WNT7B: variants seen among roughly 807,000 people sequenced by gnomAD.
WNT7B encodes Wnt family member 7B.
In WNT7B, 19 loss-of-function variants were observed where a neutral mutation model predicts 38.2. That is an observed-to-expected ratio of 0.50 (90% CI 0.35 to 0.73). The LOEUF (loss-of-function observed/expected upper bound fraction) is 0.73. WNT7B is among the 30% of genes least tolerant of loss of function. The pLI, the probability that WNT7B is intolerant of heterozygous loss-of-function variation, is 0.01. For synonymous variants in WNT7B, 243 were observed against 209.3 expected (o/e 1.16, Z -1.39); for missense variants, 423 against 507.9 (o/e 0.83, Z 1.61).
At chr22:45,935,923 G>T in intron 2 of WNT7B, 1 of 985,334 alleles carries the variant, frequency 1.0e-6, no homozygotes, top group Non-Finnish European at 1.2e-6. Flanking sequence ...GCCGGCAGCT[G>T]TCCTGCTGGT....
intron 2 of WNT7B, among the ~76,000 whole-genome samples, chr22:45,932,914 T>C (rs1931411673): frequency 6.6e-6 from 1 of 152,232 alleles, no homozygotes; most frequent in South Asian, 2.1e-4. Context: ...GTGCCTGTTA[T>C]TGGGGCTGAG....
In WNT7B at chr22:45,976,377, G is replaced by A. The variant is rs1399300386; in HGVS notation, c.71+307C>T. Among the ~76,000 whole-genome samples the A allele has an allele frequency of 1.3e-5, 2 of 151,266 alleles. No individual in the cohort carries two copies. Among genetic ancestry groups the A allele is most frequent in the South Asian group, 4.1e-4 (2 of 4,834 alleles). On this transcript the variant is annotated intron_variant, in intron 1 of 3. Transcript: ENST00000339464. This position sits in a 1 kb window ranked among gnomAD's most constrained non-coding sequence, Gnocchi z 8.5. ...GAGGGAAGGCGCGTCCCACCCCCGG[G>A]GCCTGGAGCCCAAACAGGTGAAAGT...
intron 1 of WNT7B, among the ~76,000 whole-genome samples, chr22:45,960,088 G>C (rs559021919): frequency 6.6e-6 from 1 of 152,104 alleles, no homozygotes; most frequent in Non-Finnish European, 1.5e-5. Flanking sequence ...ATGGACCCAC[G>C]CGCCACCCTG....
At chr22:45,964,508 G>T (rs1305517775) in intron 1 of WNT7B, among the ~76,000 whole-genome samples, 1 of 152,122 alleles carries the variant, frequency 6.6e-6, no homozygotes, top group Non-Finnish European at 1.5e-5. Flanking sequence ...CCTTCCTAGT[G>T]GGGGTGTCAG....
In WNT7B at chr22:45,931,342, G is replaced by A; in HGVS notation, c.326C>T (p.Ala109Val). The A allele has an allele frequency of 6.3e-7, 1 of 1,593,672 alleles. No homozygotes were observed. The highest frequency in any genetic ancestry group is 8.5e-7 in the Non-Finnish European group (1 of 1,176,408). The change falls in exon 3 of 4, where the codon GCC (alanine) becomes GTC (valine). Residue 109 changes from alanine (A) to valine (V), a missense_variant. Coordinates refer to ENST00000339464, the MANE Select transcript of WNT7B (RefSeq NM_058238.3). ...GTGCGCCACGCCAGCCGCGGTGATGGCGTACGTGAAGGCAGCCTCACGGCT... is the reference window on the plus strand; with the variant it reads ...GTGCGCCACGCCAGCCGCGGTGATGACGTACGTGAAGGCAGCCTCACGGCT... ...VGSREAAFTY[A>V]ITAAGVAHAV...
chr22:45,963,472 G>A (rs1932241030), intron 1 of WNT7B, among the ~76,000 whole-genome samples: 1 of 152,148 alleles, frequency 6.6e-6, no homozygotes, highest in Middle Eastern at 3.2e-3. Context: ...GAAGTGGCCC[G>A]AGGTCCTGAG....
Position 45,931,181 on chromosome 22 carries a change from A to C in WNT7B, c.487T>G (p.Ser163Ala). The C allele has an allele frequency of 6.3e-7, 1 of 1,599,554 alleles. No homozygotes were observed. Among genetic ancestry groups the C allele is most frequent in the Non-Finnish European group, 8.5e-7 (1 of 1,179,644 alleles). The change falls in exon 3 of 4, where the codon TCC becomes GCC. Residue 163 changes from serine (S) to alanine (A), a missense_variant. Coordinates refer to ENST00000339464, the MANE Select transcript of WNT7B (RefSeq NM_058238.3). ...SADVRYGIDF[S>A]RRFVDAREIK... ...TCCCGAGCGTCCACGAAGCGCCGGG[A>C]GAAGTCGATGCCGTAACGCACGTCG...
intron 2 of WNT7B, among the ~76,000 whole-genome samples, chr22:45,945,670 C>T (rs1931777327): frequency 6.6e-6 from 1 of 152,216 alleles, no homozygotes; most frequent in Non-Finnish European, 1.5e-5. Context: ...CCTGCAAAGC[C>T]CCGCAGGGCG....
chr22:45,954,552 T>A, intron 1 of WNT7B: 1 of 984,280 alleles, frequency 1.0e-6, no homozygotes, highest in African/African-American at 1.7e-5. Flanking sequence ...TGCACGCTTA[T>A]CCGGGGTATG....
chr22:45,972,154 C>T, intron 1 of WNT7B: 2 of 628,064 alleles, frequency 3.2e-6, no homozygotes, highest in Non-Finnish European at 5.8e-6. Context: ...GCGGCACTCA[C>T]AAGTAGCTGC....
At chr22:45,969,750 G>A (rs77270210) in intron 1 of WNT7B, among the ~76,000 whole-genome samples, 15,030 of 152,292 alleles carry the variant, frequency 0.099, 1,049 homozygotes, top group African/African-American at 0.2. Context: ...AAAGGGGGAG[G>A]ATCAGCTGTC....
rs951470423 is a variant in WNT7B at position 45,976,666 on chromosome 22, C to T, written c.71+18G>A. 5 of 1,604,054 alleles carry T rather than the reference C, an allele frequency of 3.1e-6. No individual in the cohort carries two copies. The African/African-American group carries it at 5.4e-5, about 17-fold the overall frequency. The stretch of plus-strand genomic sequence containing the variant: ...TGTCTTGGCCCCTGGCTGCTGCCCT[C>T]GCCCACGGGGTACTCACCCGAGCTT... On this transcript the variant is annotated intron_variant, in intron 1 of 3. Transcript: ENST00000339464. The surrounding 1 kb of genome is among the most constrained non-coding windows in gnomAD (Gnocchi z 8.5).
At chr22:45,954,329 T>TG (rs1932011082) in intron 1 of WNT7B, among the ~76,000 whole-genome samples, 1 of 152,176 alleles carries the variant, frequency 6.6e-6, no homozygotes, top group Non-Finnish European at 1.5e-5. Flanking sequence ...GTTCTGGAAC[T>TG]GGGGGTAGTG....
chr22:45,958,887 G>C (rs530187924), intron 1 of WNT7B, among the ~76,000 whole-genome samples: 1 of 152,152 alleles, frequency 6.6e-6, no homozygotes, highest in Admixed American at 6.5e-5. Flanking sequence ...GTGTGGGGTG[G>C]GCCTTCCCTG....
rs537721966 is a variant in WNT7B at position 45,925,236 on chromosome 22, G to A, written c.571-1901C>T. ...GGTGGGCGCAAAGTCTCATCAGGTG[G>A]GTGCTGTGTGGGCCCTAGGCTGGCA... On this transcript the variant is annotated intron_variant, in intron 3 of 3. Coordinates refer to ENST00000339464, the MANE Select transcript of WNT7B (RefSeq NM_058238.3). 300 of 981,274 alleles carry A rather than the reference G, an allele frequency of 3.1e-4. No individual in the cohort carries two copies. The Admixed American group carries it at 4.1e-3, about 14-fold the overall frequency. 60.8% of individuals were successfully genotyped at this position (981,274 alleles called of 1,614,324 possible). A position where few individuals can be genotyped will look rare whatever the true frequency, so the allele number is the denominator to read the frequency against.
chr22:45,958,572 G>C (rs932381311), intron 1 of WNT7B, among the ~76,000 whole-genome samples: 1 of 152,202 alleles, frequency 6.6e-6, no homozygotes, highest in East Asian at 1.9e-4. Context: ...AGCTCGGGGG[G>C]CCAAGGGCTA....
intron 2 of WNT7B, among the ~76,000 whole-genome samples, chr22:45,936,603 GC>G (rs1487423518): frequency 2.6e-5 from 4 of 152,246 alleles, no homozygotes; most frequent in African/African-American, 7.2e-5. Context: ...TTGAACTCAA[GC>G]CCTCAAAGGA....
intron 3 of WNT7B, chr22:45,925,853 A>C: frequency 3.0e-6 from 3 of 985,400 alleles, no homozygotes; most frequent in African/African-American, 1.7e-5. Flanking sequence ...GAGACCTGGC[A>C]GGCCTGTCCA....
intron 3 of WNT7B, chr22:45,925,526 G>A (rs1197999460): frequency 2.3e-5 from 23 of 985,180 alleles, no homozygotes; most frequent in Non-Finnish European, 2.7e-5. Context: ...CCTGGACTGC[G>A]TGTCTGGGCG....
Sources: allele counts gnomAD v4.1 joint callset (sites outside exome capture counted in the v4.1 genomes callset), GRCh38; gene constraint gnomAD v4.1.1; non-coding constraint Gnocchi (gnomAD v3.1); transcripts MANE v1.5; gene names NCBI Gene and HGNC (gene_info 2026-07-23, HGNC 2026-07-21).